The following CAMTA1 variants were observed in gnomAD, a reference collection of about 807,000 sequenced individuals.
The protein encoded by CAMTA1 is calmodulin-binding transcription activator 1.
Under a neutral mutation model 170.9 loss-of-function variants are expected in CAMTA1, and 27 were observed. The ratio of observed to expected loss-of-function variants is 0.16; its 90% CI spans 0.12 to 0.22. The LOEUF is 0.22. Ranked by LOEUF, CAMTA1 falls within the 10% of genes least tolerant of loss-of-function variation. CAMTA1 has a pLI of 1.00. For synonymous variants in CAMTA1, 833 were observed against 891.5 expected, an observed-to-expected ratio of 0.93 and a Z score of 1.17; for missense variants, 1,619 against 2,217.2, an observed-to-expected ratio of 0.73 and a Z score of 5.42.
chr1:7,365,885 C>T (rs1172868169), intron 5 of CAMTA1, among the ~76,000 whole-genome samples: 1 of 152,222 alleles, frequency 6.6e-6, no homozygotes, highest in Non-Finnish European at 1.5e-5. Context: ...GCAGCTCCTG[C>T]TCCTCTCTGG....
chr1:7,667,428 T>A (rs1234186601), intron 9 of CAMTA1, among the ~76,000 whole-genome samples: 1 of 152,086 alleles, frequency 6.6e-6, no homozygotes, highest in Non-Finnish European at 1.5e-5. Context: ...TCAGTTTCCT[T>A]ACGTGTAAAT....
Position 7,607,472 on chromosome 1 carries a change from T to A in CAMTA1, c.511-32928T>A, listed in dbSNP as rs367840316. 5.3e-5 allele frequency among the ~76,000 whole-genome samples: 8 copies of A among 151,390 alleles called. No homozygotes were observed. The East Asian group carries it at 5.9e-4, about 11-fold the overall frequency. On this transcript the variant is annotated intron_variant, in intron 6 of 22. Transcript: ENST00000303635. Reference sequence around the variant, plus strand: ...GTGGATGGATGGATGGGTGGATGGATGGATGGATGGATAGATGGATAGATA... The same window carrying A: ...GTGGATGGATGGATGGGTGGATGGAAGGATGGATGGATAGATGGATAGATA...
rs1263799371 is a variant in CAMTA1, at chr1:7,665,134, A to C, written c.2587A>C (p.Met863Leu). ...SAASAQGTLG[M>L]LQQSGRVFMV... Reference sequence around the variant, plus strand: ...CGCCTCGGCCCAGGGCACCCTAGGCATGCTGCAGCAGAGCGGACGGGTGTT... The same window carrying C: ...CGCCTCGGCCCAGGGCACCCTAGGCCTGCTGCAGCAGAGCGGACGGGTGTT... Residue 863 changes from methionine to leucine, a missense_variant, in exon 9 of 23, where the codon ATG (methionine) becomes CTG (leucine). By Grantham distance (15) the Met-to-Leu change is conservative. This residue lies in a region of CAMTA1 where 731 missense variants were observed against 907.6 expected (regional missense o/e 0.81). Transcript: ENST00000303635. This position sits in a 1 kb window ranked among gnomAD's most constrained non-coding sequence, Gnocchi z 4.3. 1 of 1,516,694 alleles carries C rather than the reference A, an allele frequency of 6.6e-7. No homozygotes were observed. Among genetic ancestry groups the C allele is most frequent in the Admixed American group, 2.2e-5 (1 of 45,712 alleles). 94.0% of individuals were successfully genotyped at this position (1,516,694 alleles called of 1,614,324 possible).
At chr1:7,310,659 CTTTCTTTCTTTCCTTTCTT>C (rs1557490877) in intron 5 of CAMTA1, among the ~76,000 whole-genome samples, 5 of 42,116 alleles carry the variant, frequency 1.2e-4, no homozygotes, top group African/African-American at 2.4e-4. Flanking sequence ...TTCTTTCTTT[CTTTCTTTCTTTCCTTTCTT>C]TCTCTCTCTC....
In CAMTA1 at chr1:6,820,252, T is replaced by C. The variant is rs1169816691; in HGVS notation, c.115+2T>C. 1 of 1,613,922 alleles carries C rather than the reference T, an allele frequency of 6.2e-7. No homozygotes were observed. Among genetic ancestry groups the C allele is most frequent in the Admixed American group, 1.7e-5 (1 of 60,008 alleles). The stretch of plus-strand genomic sequence containing the variant: ...TCAACACCGTGCCACCTATAGAAGG[T>C]AGGATTTGAAAAAGCTTTTGACTTA... On this transcript the variant is annotated splice_donor_variant, in intron 2 of 22. Transcript: ENST00000303635. LOFTEE classifies it high-confidence loss of function.
intron 6 of CAMTA1, among the ~76,000 whole-genome samples, chr1:7,596,073 G>T (rs2095397173): frequency 6.6e-6 from 1 of 152,218 alleles, no homozygotes; most frequent in Non-Finnish European, 1.5e-5. Flanking sequence ...TGCTCCCTCT[G>T]TCCTTGAAGA....
At chr1:7,374,457 G>A (rs1373969212) in intron 5 of CAMTA1, among the ~76,000 whole-genome samples, 3 of 152,256 alleles carry the variant, frequency 2.0e-5, no homozygotes, top group Non-Finnish European at 4.4e-5. Context: ...AGCAGAGGAC[G>A]CAGGCATGGG....
chr1:7,601,269 C>T lies in CAMTA1; in HGVS notation c.511-39131C>T, dbSNP rs949558872. 4.0e-5 allele frequency among the ~76,000 whole-genome samples: 6 copies of T among 150,398 alleles called. No individual in the cohort carries two copies. In the South Asian group the frequency reaches 6.3e-4, roughly 16 times the overall value. On this transcript the variant is annotated intron_variant, in intron 6 of 22. Transcript: ENST00000303635. ...GGGGCTCCTCACTTCTCAGACGGGG[C>T]GGTTGCCAGGCAGAGGGTCTCCTCA...
chr1:7,187,749 T>C (rs1653680452), intron 4 of CAMTA1, among the ~76,000 whole-genome samples: 1 of 152,198 alleles, frequency 6.6e-6, no homozygotes, highest in Non-Finnish European at 1.5e-5. Flanking sequence ...ATGATTTGTT[T>C]ACCCACCCTT....
At chr1:7,668,388 A>ACAC (rs2096019808) in intron 9 of CAMTA1, among the ~76,000 whole-genome samples, 2 of 101,420 alleles carry the variant, frequency 2.0e-5, no homozygotes, top group African/African-American at 3.7e-5. Context: ...GCTGGTCACC[A>ACAC]ACACACACAC....
intron 3 of CAMTA1, among the ~76,000 whole-genome samples, chr1:6,967,827 G>T (rs1223127158): frequency 2.0e-5 from 3 of 152,176 alleles, no homozygotes; most frequent in South Asian, 4.1e-4. Context: ...CTTAGGGCAG[G>T]GGGTGAAGTC....
intron 3 of CAMTA1, among the ~76,000 whole-genome samples, chr1:6,994,972 G>C (rs1264675136): frequency 2.6e-5 from 4 of 152,044 alleles, no homozygotes; most frequent in African/African-American, 9.7e-5. Flanking sequence ...CCCGGCCCGA[G>C]CTTCTTGATT....
At chr1:7,356,992 C>T (rs534178219) in intron 5 of CAMTA1, among the ~76,000 whole-genome samples, 2 of 152,328 alleles carry the variant, frequency 1.3e-5, no homozygotes, top group South Asian at 4.2e-4. Context: ...CCCTTCCCTC[C>T]CATCATGGGC....
intron 18 of CAMTA1, among the ~76,000 whole-genome samples, chr1:7,746,905 G>A (rs2096861142): frequency 1.3e-5 from 2 of 152,182 alleles, no homozygotes; most frequent in South Asian, 4.1e-4. Context: ...CCAAAGTGCT[G>A]GGATTACAGG....
At chr1:7,247,862 T>C (rs778551490) in intron 4 of CAMTA1, among the ~76,000 whole-genome samples, 1 of 151,964 alleles carries the variant, frequency 6.6e-6, no homozygotes, top group Non-Finnish European at 1.5e-5. Flanking sequence ...AATTGTAAGG[T>C]TTCCAATGCA....
intron 5 of CAMTA1, among the ~76,000 whole-genome samples, chr1:7,393,895 G>A (rs746805007): frequency 1.3e-5 from 2 of 151,908 alleles, no homozygotes; most frequent in Admixed American, 6.6e-5. Context: ...TACTCTCTAC[G>A]TCTATGAGAT....
chr1:7,319,311 A>G (rs1419756307), intron 5 of CAMTA1, among the ~76,000 whole-genome samples: 1 of 151,952 alleles, frequency 6.6e-6, no homozygotes, highest in African/African-American at 2.4e-5. Context: ...GCCTGGTGGG[A>G]GGTGATTTGA....
rs371821049 is a variant in CAMTA1 at position 7,449,030 on chromosome 1, T to C, written c.439-18800T>C. On this transcript the variant is annotated intron_variant, in intron 5 of 22. Coordinates refer to ENST00000303635, the MANE Select transcript of CAMTA1 (RefSeq NM_015215.4). The stretch of plus-strand genomic sequence containing the variant: ...CCTGTCGTGAACATTGATACCAACA[T>C]GGTCTGTGGGGCGCCATGGGCTGGA... Among the ~76,000 whole-genome samples, 23 of 152,252 alleles carry C rather than the reference T, an allele frequency of 1.5e-4. 1 individual carries two copies. Among genetic ancestry groups the C allele is most frequent in the African/African-American group, 5.5e-4 (23 of 41,566 alleles).
chr1:7,294,847 T>C (rs891408565), intron 5 of CAMTA1, among the ~76,000 whole-genome samples: 19 of 154 alleles, frequency 0.12, no homozygotes, highest in African/African-American at 0.25. Context: ...CCAAATGGCC[T>C]CCAAGGCAAG....
Sources: gnomAD v4.1 joint callset for allele counts (sites outside exome capture counted in the v4.1 genomes callset) on GRCh38, gnomAD v4.1.1 for gene constraint, gnomAD v4.1.1 regional missense constraint, Gnocchi (gnomAD v3.1) non-coding constraint, MANE v1.5 for transcripts, NCBI Gene and HGNC (gene_info 2026-07-23, HGNC 2026-07-21) for gene names.